The following ANAPC7 variants were observed in gnomAD, a reference collection of about 807,000 sequenced individuals.
ANAPC7 encodes anaphase-promoting complex subunit 7.
In ANAPC7, 25 loss-of-function variants were observed where a neutral mutation model predicts 63.3. The observed-to-expected ratio is 0.39, with a 90% CI of 0.29 to 0.55. ANAPC7 has a LOEUF of 0.55. Ranked by LOEUF, ANAPC7 falls within the 20% of genes least tolerant of loss-of-function variation. The pLI, the probability that ANAPC7 is intolerant of heterozygous loss-of-function variation, is 0.57. For missense variants in ANAPC7, 516 were observed against 691.7 expected (o/e 0.75, Z 2.85); for synonymous variants, 241 against 251.7 (o/e 0.96, Z 0.40).
chr12:110,395,947 G>A (rs113505920), intron 2 of ANAPC7, among the ~76,000 whole-genome samples: 1 of 152,120 alleles, frequency 6.6e-6, no homozygotes, highest in South Asian at 2.1e-4. Context: ...ACAGATGGGG[G>A]GTGAGGGGGT....
At chr12:110,382,044 C>T (rs1881906743) in intron 7 of ANAPC7, 96 bp from the exon 8 acceptor site, 1 of 1,221,610 alleles carries the variant, frequency 8.2e-7, no homozygotes, top group African/African-American at 1.5e-5. Context: ...ATTGAAGGCC[C>T]TGAACATAAT....
intron 8 of ANAPC7, 157 bp from the exon 9 acceptor site, chr12:110,377,774 T>C (rs1881423052): frequency 6.8e-7 from 1 of 1,466,548 alleles, no homozygotes; most frequent in African/African-American, 1.4e-5. Flanking sequence ...AGAGTGTTGA[T>C]GGAATAGCTA....
intron 9 of ANAPC7, 88 bp downstream of exon 9, chr12:110,377,300 GTCATC>G: frequency 9.1e-7 from 1 of 1,102,992 alleles, no homozygotes; most frequent in South Asian, 1.4e-5. Flanking sequence ...CACCTGTCTA[GTCATC>G]TGTAACTAGC....
chr12:110,373,889 A>T lies in ANAPC7; in HGVS notation c.*255T>A, dbSNP rs1881021471. Reference sequence around the variant, plus strand: ...GTACTCTTGGCCCAGAAGCCCCAACATGTGCGTGGGTCTCGGGGCACTCCC... The same window carrying T: ...GTACTCTTGGCCCAGAAGCCCCAACTTGTGCGTGGGTCTCGGGGCACTCCC... On this transcript the variant is annotated 3_prime_UTR_variant, in exon 11 of 11. Transcript: ENST00000455511. The T allele has an allele frequency of 2.5e-6, 1 of 398,166 alleles. No individual in the cohort carries two copies. The highest frequency in any genetic ancestry group is 1.1e-4 in the South Asian group (1 of 9,206). The allele number at this position is 398,166 out of a possible 1,614,324, so 24.7% of individuals were successfully genotyped here. A position where few individuals can be genotyped will look rare whatever the true frequency, so the allele number is the denominator to read the frequency against.
At chr12:110,391,368 C>T (rs1052513332) in intron 3 of ANAPC7, among the ~76,000 whole-genome samples, 1 of 152,174 alleles carries the variant, frequency 6.6e-6, no homozygotes, top group Admixed American at 6.6e-5. Context: ...ATTTAATAAT[C>T]TAACACTGGA....
chr12:110,390,144 C>T (rs896761559), intron 3 of ANAPC7, among the ~76,000 whole-genome samples: 3 of 151,852 alleles, frequency 2.0e-5, no homozygotes, highest in South Asian at 2.1e-4. Flanking sequence ...TCTCAGCTCA[C>T]TGCAACCTCT....
At chr12:110,382,462 ATATAT>A (rs1478935347) in intron 7 of ANAPC7, among the ~76,000 whole-genome samples, 135 of 53,402 alleles carry the variant, frequency 2.5e-3, no homozygotes, top group African/African-American at 7.5e-3. Flanking sequence ...AAAAAAAAAA[ATATAT>A]ATATATATAT....
At position 110,395,635 on chromosome 12, in the gene ANAPC7, C is replaced by G. The variant is rs28566000; in HGVS notation, c.289-415G>C. Among the ~76,000 whole-genome samples the G allele has an allele frequency of 2.0e-3, 308 of 151,810 alleles. 1 individual carries two copies. The highest frequency in any genetic ancestry group is 7.1e-3 in the African/African-American group (296 of 41,404). ...TGAGACAGAGTCTCGTTCTGTCACC[C>G]AGGCTGGTGTCTCCTGCCTCAGCCT... is the stretch of plus-strand genomic sequence containing the variant. On this transcript the variant is annotated intron_variant, in intron 2 of 10. Coordinates refer to ENST00000455511, the MANE Select transcript of ANAPC7 (RefSeq NM_016238.3).
chr12:110,401,246 T>C (rs1273021417), intron 1 of ANAPC7, among the ~76,000 whole-genome samples: 2 of 152,142 alleles, frequency 1.3e-5, no homozygotes, highest in African/African-American at 2.4e-5. Flanking sequence ...TGGCTCAGAA[T>C]GGAGACTCTC....
intron 2 of ANAPC7, 74 bp from the exon 3 acceptor site, chr12:110,395,294 G>C (rs879341008): frequency 1.3e-5 from 19 of 1,432,332 alleles, no homozygotes; most frequent in South Asian, 2.6e-5. Flanking sequence ...GTTAAACATA[G>C]AGTTATCATA....
At chr12:110,383,875 CAAAAAAAAAAAAA>C (rs1159374781) in intron 6 of ANAPC7, among the ~76,000 whole-genome samples, 1 of 50,678 alleles carries the variant, frequency 2.0e-5, no homozygotes, top group Non-Finnish European at 3.8e-5. Context: ...GACTCCGTCT[CAAAAAAAAAAAAA>C]AAAAAAAAAA....
chr12:110,403,007 G>C (rs2062254670), intron 1 of ANAPC7, among the ~76,000 whole-genome samples: 1 of 152,158 alleles, frequency 6.6e-6, no homozygotes, highest in South Asian at 2.1e-4. Context: ...CTCCCAAAGG[G>C]CTCGTATTAG....
Position 110,403,648 on chromosome 12 carries a change from G to A in ANAPC7, c.-21C>T. On this transcript the variant is annotated 5_prime_UTR_variant, in exon 1 of 11. Coordinates refer to ENST00000455511, the MANE Select transcript of ANAPC7 (RefSeq NM_016238.3). Reference sequence around the variant, plus strand: ...TTCATCCTGCTCTGCAAAGCCGCGGGCAGCGGCGGCAGCACTGACTCGAAA... The same window carrying A: ...TTCATCCTGCTCTGCAAAGCCGCGGACAGCGGCGGCAGCACTGACTCGAAA... The A allele has an allele frequency of 3.8e-6, 6 of 1,574,712 alleles. No individual in the cohort carries two copies. The highest frequency in any genetic ancestry group is 4.3e-6 in the Non-Finnish European group (5 of 1,159,612).
chr12:110,380,524 G>C (rs1194421010), intron 8 of ANAPC7, among the ~76,000 whole-genome samples: 4 of 151,484 alleles, frequency 2.6e-5, no homozygotes, highest in South Asian at 2.1e-4. Flanking sequence ...GGTGGTGGGC[G>C]CCTATAATCC....
intron 1 of ANAPC7, among the ~76,000 whole-genome samples, chr12:110,402,154 G>A (rs1592936000): frequency 6.6e-6 from 1 of 150,924 alleles, no homozygotes; most frequent in Non-Finnish European, 1.5e-5. Context: ...CAGCATGGGC[G>A]ACAGAGCGAG....
At chr12:110,376,552 G>C (rs1881287436) in intron 9 of ANAPC7, among the ~76,000 whole-genome samples, 1 of 99,956 alleles carries the variant, frequency 1.0e-5, no homozygotes, top group African/African-American at 4.4e-5. Flanking sequence ...CTGGGCAACA[G>C]AGCGAGACTC....
At chr12:110,382,731 G>T in intron 7 of ANAPC7, 112 bp downstream of exon 7, 1 of 872,166 alleles carries the variant, frequency 1.1e-6, no homozygotes, top group Non-Finnish European at 1.8e-6. Flanking sequence ...CACCATGCCT[G>T]TCCAGGTGAT....
At chr12:110,378,364 G>T (rs1592894882) in intron 8 of ANAPC7, among the ~76,000 whole-genome samples, 1 of 152,216 alleles carries the variant, frequency 6.6e-6, no homozygotes, top group South Asian at 2.1e-4. Flanking sequence ...AAAGTATTAG[G>T]ATTACAGGCG....
chr12:110,382,989 G>C (rs754148483), intron 6 of ANAPC7, 29 bp from the exon 7 acceptor site: 1 of 1,575,962 alleles, frequency 6.3e-7, no homozygotes, highest in East Asian at 2.3e-5. Flanking sequence ...GTGAGAAGAG[G>C]TGTTTTAAGA....
Sources: allele counts gnomAD v4.1 joint callset (sites outside exome capture counted in the v4.1 genomes callset), GRCh38; gene constraint gnomAD v4.1.1; transcripts MANE v1.5; gene names NCBI Gene and HGNC (gene_info 2026-07-23, HGNC 2026-07-21).